Variants in NRXN1 observed in about 807,000 individuals in gnomAD.
The protein encoded by NRXN1 is neurexin 1, also known as neurexin-1.
Under a neutral mutation model 150.9 loss-of-function variants are expected in NRXN1, and 39 were observed. That is an observed-to-expected ratio of 0.26 (90% CI 0.20 to 0.34). The LOEUF (loss-of-function observed/expected upper bound fraction) is 0.34. NRXN1 is among the 10% of genes least tolerant of loss of function. The pLI, the probability that NRXN1 is intolerant of heterozygous loss-of-function variation, is 1.00. For missense variants in NRXN1, 1,815 were observed against 1,949.9 expected (o/e 0.93, Z 1.30); for synonymous variants, 924 against 757.0 (o/e 1.22, Z -3.62).
intron 5 of NRXN1, among the ~76,000 whole-genome samples, chr2:50,829,266 AG>A (rs1030749110): frequency 1.8e-5 from 2 of 111,634 alleles, no homozygotes; most frequent in African/African-American, 6.0e-5. Flanking sequence ...CCGTGGGGAG[AG>A]GGAGAGGGAG....
chr2:50,477,105 G>C (rs2090054564), intron 15 of NRXN1, among the ~76,000 whole-genome samples: 1 of 152,098 alleles, frequency 6.6e-6, no homozygotes, highest in Admixed American at 6.6e-5. Flanking sequence ...TTGTACCATG[G>C]AGACAAAATT....
intron 2 of NRXN1, among the ~76,000 whole-genome samples, chr2:51,006,511 G>A (rs759362316): frequency 2.6e-5 from 4 of 151,496 alleles, no homozygotes; most frequent in Admixed American, 1.3e-4. Context: ...AAACCTGCAC[G>A]TTGTGCACAT....
At chr2:50,878,748 T>C (rs1290260829) in intron 5 of NRXN1, among the ~76,000 whole-genome samples, 1 of 151,944 alleles carries the variant, frequency 6.6e-6, no homozygotes, top group African/African-American at 2.4e-5. Context: ...TCAGATGTAT[T>C]TGGGGAAAAA....
chr2:50,103,451 C>G (rs1701238273), intron 18 of NRXN1, among the ~76,000 whole-genome samples: 1 of 151,986 alleles, frequency 6.6e-6, no homozygotes, highest in Non-Finnish European at 1.5e-5. Flanking sequence ...CCTGTTCACT[C>G]AGAAGAGCAG....
chr2:51,022,452 T>C (rs540687729), intron 2 of NRXN1, among the ~76,000 whole-genome samples: 1 of 152,300 alleles, frequency 6.6e-6, no homozygotes, highest in Admixed American at 6.5e-5. Context: ...CTCAAAATAA[T>C]ATATTTGACT....
chr2:50,737,370 T>C (rs1329045289), intron 5 of NRXN1, among the ~76,000 whole-genome samples: 1 of 152,196 alleles, frequency 6.6e-6, no homozygotes, highest in Non-Finnish European at 1.5e-5. Flanking sequence ...ATAGAACTCT[T>C]ATGGTACTGT....
intron 17 of NRXN1, among the ~76,000 whole-genome samples, chr2:50,345,719 T>G (rs1316048276): frequency 6.6e-6 from 1 of 152,178 alleles, no homozygotes; most frequent in Non-Finnish European, 1.5e-5. Context: ...CAACCAAGGC[T>G]TTTCTCTACA....
rs1365751920 is a variant in NRXN1, at chr2:49,919,424, A to C, written c.*2520T>G. 1.3e-5 allele frequency: 2 copies of C among 152,090 alleles called. No individual in the cohort carries two copies. The highest frequency in any genetic ancestry group is 2.9e-5 in the Non-Finnish European group (2 of 67,956). 9.4% of individuals were successfully genotyped at this position (152,090 alleles called of 1,614,324 possible). ...AATTTACGCTGGGGAGAAACATTGA[A>C]ATCAATCCCAAACAACACATTTCAT... On this transcript the variant is annotated 3_prime_UTR_variant, in exon 23 of 23. Coordinates refer to ENST00000401669, the MANE Select transcript of NRXN1 (RefSeq NM_001330078.2).
At chr2:50,908,355 T>TCA (rs779736059) in intron 5 of NRXN1, among the ~76,000 whole-genome samples, 1 of 100,552 alleles carries the variant, frequency 9.9e-6, no homozygotes, top group Non-Finnish European at 2.5e-5. Context: ...ATACACACAT[T>TCA]CACACATACA....
intron 5 of NRXN1, among the ~76,000 whole-genome samples, chr2:50,851,520 G>A (rs1674518162): frequency 6.6e-6 from 1 of 151,906 alleles, no homozygotes; most frequent in Admixed American, 6.6e-5. Context: ...TCCACATGTT[G>A]TACACACTAA....
At chr2:50,220,667 G>A (rs951163442) in intron 18 of NRXN1, among the ~76,000 whole-genome samples, 3 of 151,974 alleles carry the variant, frequency 2.0e-5, no homozygotes, top group African/African-American at 7.2e-5. Flanking sequence ...CCCATTATCA[G>A]TTCCACGTCT....
intron 12 of NRXN1, among the ~76,000 whole-genome samples, chr2:50,517,031 T>C (rs754749494): frequency 1.3e-5 from 2 of 152,344 alleles, no homozygotes; most frequent in Admixed American, 6.5e-5. Context: ...TTGAGTTTTA[T>C]CCTGGTTCTA....
At chr2:50,484,246 C>A (rs566896629) in intron 15 of NRXN1, among the ~76,000 whole-genome samples, 1 of 152,156 alleles carries the variant, frequency 6.6e-6, no homozygotes, top group African/African-American at 2.4e-5. Context: ...CTTGTTTTTC[C>A]TTAAGTATCT....
At position 50,216,217 on chromosome 2, in the gene NRXN1, T is replaced by G. The variant is rs371039388; in HGVS notation, c.3546+20572A>C. Among the ~76,000 whole-genome samples, 5 of 152,112 alleles carry G rather than the reference T, an allele frequency of 3.3e-5. No homozygotes were observed. The South Asian group carries it at 1.0e-3, about 32-fold the overall frequency. On this transcript the variant is annotated intron_variant, in intron 18 of 22. Coordinates refer to ENST00000401669, the MANE Select transcript of NRXN1 (RefSeq NM_001330078.2). Reference sequence around the variant, plus strand: ...GCCTGGGTGACAGAGCAGAACTCCATCTCAAAAATAAATAATTAAATTAAA... The same window carrying G: ...GCCTGGGTGACAGAGCAGAACTCCAGCTCAAAAATAAATAATTAAATTAAA...
At chr2:50,014,454 A>C (rs545798092) in intron 21 of NRXN1, among the ~76,000 whole-genome samples, 15 of 152,236 alleles carry the variant, frequency 9.9e-5, no homozygotes, top group South Asian at 2.1e-4. Flanking sequence ...TGTGCACTGT[A>C]TGATGGTTAG....
chr2:50,895,211 A>C (rs1034381947), intron 5 of NRXN1, among the ~76,000 whole-genome samples: 4 of 152,120 alleles, frequency 2.6e-5, no homozygotes, highest in Non-Finnish European at 1.5e-5. Flanking sequence ...AACATACCCT[A>C]TTGGGGCCTA....
chr2:50,902,305 A>T (rs952899293), intron 5 of NRXN1, among the ~76,000 whole-genome samples: 1 of 152,144 alleles, frequency 6.6e-6, no homozygotes, highest in Non-Finnish European at 1.5e-5. Flanking sequence ...GACACAAATT[A>T]GAAAAAAAAT....
chr2:50,141,463 C>T (rs560619397), intron 18 of NRXN1, among the ~76,000 whole-genome samples: 1 of 152,038 alleles, frequency 6.6e-6, no homozygotes, highest in Non-Finnish European at 1.5e-5. Context: ...ATAACTGGGA[C>T]TGTATTAAAC....
At chr2:50,779,985 C>A (rs1228583253) in intron 5 of NRXN1, among the ~76,000 whole-genome samples, 4 of 152,118 alleles carry the variant, frequency 2.6e-5, no homozygotes, top group African/African-American at 9.7e-5. Flanking sequence ...CTCCCACCAA[C>A]AGTGTAAAAG....
Sources: gnomAD v4.1 joint callset for allele counts (sites outside exome capture counted in the v4.1 genomes callset) on GRCh38, gnomAD v4.1.1 for gene constraint, MANE v1.5 for transcripts, NCBI Gene and HGNC (gene_info 2026-07-23, HGNC 2026-07-21) for gene names.